Variants in PCSK2 observed in about 807,000 individuals in gnomAD.
PCSK2 encodes the protein proprotein convertase subtilisin/kexin type 2.
PCSK2 carries 14 observed loss-of-function variants against 69.7 expected under a neutral mutation model. The observed-to-expected ratio is 0.20, with a 90% CI of 0.13 to 0.31. PCSK2 has a LOEUF of 0.31. Among genes scored for constraint, PCSK2 ranks in the 10% least tolerant of loss-of-function variants. The pLI, the probability that PCSK2 is intolerant of heterozygous loss-of-function variation, is 1.00. For missense variants in PCSK2, 544 were observed against 842.5 expected (o/e 0.65, Z 4.39); for synonymous variants, 307 against 320.7 (o/e 0.96, Z 0.46).
chr20:17,429,575 A>G, intron 7 of PCSK2, 52 bp downstream of exon 7: 1 of 1,189,872 alleles, frequency 8.4e-7, no homozygotes, highest in Admixed American at 2.0e-5. Flanking sequence ...CACTGATCTC[A>G]AGGCTGACTG....
chr20:17,360,481 C>T (rs758710313), intron 3 of PCSK2, 51 bp from the exon 4 acceptor site: 1 of 1,112,156 alleles, frequency 9.0e-7, no homozygotes, highest in East Asian at 2.5e-5. Context: ...TACATGGGTG[C>T]TTTACAACAC....
intron 10 of PCSK2, among the ~76,000 whole-genome samples, chr20:17,458,508 C>T (rs1412945208): frequency 6.6e-6 from 1 of 152,128 alleles, no homozygotes; most frequent in African/African-American, 2.4e-5. Flanking sequence ...CAAAGCGGCT[C>T]CAATAGCCAA....
intron 1 of PCSK2, among the ~76,000 whole-genome samples, chr20:17,243,973 A>G (rs1371384898): frequency 6.6e-6 from 1 of 152,058 alleles, no homozygotes; most frequent in Non-Finnish European, 1.5e-5. Flanking sequence ...TTTTTTCCAT[A>G]AAGGATGCTA....
At chr20:17,416,794 T>G (rs1261879731) in intron 6 of PCSK2, among the ~76,000 whole-genome samples, 1 of 152,164 alleles carries the variant, frequency 6.6e-6, no homozygotes, top group Non-Finnish European at 1.5e-5. Flanking sequence ...AATGATAGAC[T>G]GGATTAAGAA....
rs181071907 is a variant in PCSK2, at chr20:17,452,272, G to A, written c.886-1470G>A. On this transcript the variant is annotated intron_variant, in intron 8 of 11. Transcript: ENST00000262545. ...AACTGTAGGGATATCTATTTCCCTC[G>A]CTGTCCTGGTTTCTGAGAGCAGTTC... Among the ~76,000 whole-genome samples, 27 of 152,006 alleles carry A rather than the reference G, an allele frequency of 1.8e-4. No individual in the cohort carries two copies. In the East Asian group the frequency reaches 1.9e-3, roughly 11 times the overall value.
chr20:17,431,083 T>C (rs913875418), intron 7 of PCSK2, among the ~76,000 whole-genome samples: 4 of 152,094 alleles, frequency 2.6e-5, no homozygotes, highest in Admixed American at 2.6e-4. Context: ...GAGACAAGGA[T>C]TCCGGGCAAG....
chr20:17,312,207 G>C (rs76610479), intron 2 of PCSK2, among the ~76,000 whole-genome samples: 67 of 152,256 alleles, frequency 4.4e-4, no homozygotes, highest in African/African-American at 1.6e-3. Context: ...TTCTGGCATA[G>C]TCTTCCTGCC....
rs184236676 is a variant in PCSK2 at position 17,426,322 on chromosome 20, T to G, written c.621-3113T>G. On this transcript the variant is annotated intron_variant, in intron 6 of 11. Transcript: ENST00000262545. ...GGTGCCTTCCACCATGATTTTAAGT[T>G]TCCTAAGGCCTCCCAAGCAATGCTG... is the stretch of plus-strand genomic sequence containing the variant. 2.2e-3 allele frequency among the ~76,000 whole-genome samples: 341 copies of G among 152,296 alleles called. 1 individual carries two copies. The highest frequency in any genetic ancestry group is 7.5e-3 in the African/African-American group (313 of 41,580).
At position 17,436,820 on chromosome 20, in the gene PCSK2, C is replaced by T. The variant is rs777570512; in HGVS notation, c.822C>T (p.Asn274=). Residue 274 remains asparagine, a synonymous_variant, in exon 8 of 12, where the codon AAC becomes AAT. Coordinates refer to ENST00000262545, the MANE Select transcript of PCSK2 (RefSeq NM_002594.5). ...GCGCCAGCTGGGGCCCCACAGACAA[C>T]GGCAAGACAGTGGATGGGCCCCGGG... ...IYSASWGPTD[N]GKTVDGPREL... The T allele has an allele frequency of 1.2e-5, 20 of 1,614,010 alleles. No homozygotes were observed. Among genetic ancestry groups the T allele is most frequent in the Middle Eastern group, 1.6e-4 (1 of 6,062 alleles).
intron 2 of PCSK2, among the ~76,000 whole-genome samples, chr20:17,273,761 T>C (rs879325595): frequency 6.6e-6 from 1 of 152,202 alleles, no homozygotes; most frequent in Non-Finnish European, 1.5e-5. Context: ...AATGGTTTAA[T>C]ATACAAATGT....
chr20:17,450,205 T>A (rs1373813019), intron 8 of PCSK2, among the ~76,000 whole-genome samples: 2 of 151,900 alleles, frequency 1.3e-5, no homozygotes, highest in Non-Finnish European at 2.9e-5. Flanking sequence ...ATTTTTTGTA[T>A]TTTTAGTAGA....
rs532251830 is a variant in PCSK2, at chr20:17,425,388, C to T, written c.621-4047C>T. Among the ~76,000 whole-genome samples the T allele has an allele frequency of 4.7e-4, 71 of 152,090 alleles. 2 individuals are homozygous for T. The highest frequency in any genetic ancestry group is 2.5e-4 in the Non-Finnish European group (17 of 68,030). On this transcript the variant is annotated intron_variant, in intron 6 of 11. Coordinates refer to ENST00000262545, the MANE Select transcript of PCSK2 (RefSeq NM_002594.5). ...CACCTAGTGAGAGGGTAGGGGAATTCGACCACTAGACAAGGCAGCCATTTT... is the reference window on the plus strand; with the variant it reads ...CACCTAGTGAGAGGGTAGGGGAATTTGACCACTAGACAAGGCAGCCATTTT...
chr20:17,366,103 C>CTAGGGT (rs1303754830), intron 4 of PCSK2, among the ~76,000 whole-genome samples: 25 of 152,274 alleles, frequency 1.6e-4, no homozygotes, highest in East Asian at 7.7e-4. Context: ...CCCCGAGGCT[C>CTAGGGT]TAGGGTTAGG....
At chr20:17,316,042 G>T (rs757726540) in intron 2 of PCSK2, among the ~76,000 whole-genome samples, 1 of 152,174 alleles carries the variant, frequency 6.6e-6, no homozygotes, top group South Asian at 2.1e-4. Flanking sequence ...CAGTCAGGCC[G>T]CCTGGGTTCC....
chr20:17,438,229 A>G (rs1342344792), intron 8 of PCSK2, among the ~76,000 whole-genome samples: 2 of 152,244 alleles, frequency 1.3e-5, no homozygotes, highest in Admixed American at 1.3e-4. Flanking sequence ...ACTATTATAA[A>G]TATTTTATAA....
chr20:17,303,425 TTTTTAATATA>T (rs1989163852), intron 2 of PCSK2, among the ~76,000 whole-genome samples: 1 of 109,932 alleles, frequency 9.1e-6, no homozygotes, highest in Non-Finnish European at 1.7e-5. Flanking sequence ...TGGTTATATA[TTTTTAATATA>T]TAATATAATA....
chr20:17,351,655 GA>G (rs11335060), intron 2 of PCSK2, among the ~76,000 whole-genome samples: 26,674 of 151,988 alleles, frequency 0.18, 3,220 homozygotes, highest in East Asian at 0.54. Context: ...ATGCCTTCAA[GA>G]AAAAAACCCT....
chr20:17,284,710 G>A (rs953185484), intron 2 of PCSK2, among the ~76,000 whole-genome samples: 2 of 152,158 alleles, frequency 1.3e-5, no homozygotes, highest in African/African-American at 4.8e-5. Context: ...TTGTGACAGA[G>A]AAGAGATTTA....
chr20:17,347,881 AAAGAAAGAAAGAAAGAAAGAAAG>A (rs1568612259), intron 2 of PCSK2, among the ~76,000 whole-genome samples: 6 of 3,988 alleles, frequency 1.5e-3, no homozygotes. Context: ...AAAAAGAAAG[AAAGAAAGAAAGAAAGAAAGAAAG>A]AAAGAAAGAA....
Sources: allele counts gnomAD v4.1 joint callset (sites outside exome capture counted in the v4.1 genomes callset), GRCh38; gene constraint gnomAD v4.1.1; transcripts MANE v1.5; gene names NCBI Gene and HGNC (gene_info 2026-07-23, HGNC 2026-07-21).